The following RNF217 variants were observed in gnomAD, a reference collection of about 807,000 sequenced individuals.
RNF217 encodes ring finger protein 217, also known as E3 ubiquitin-protein ligase RNF217.
RNF217 carries 31 observed loss-of-function variants against 57.8 expected under a neutral mutation model. The observed-to-expected ratio is 0.54, with a 90% confidence interval of 0.40 to 0.72. The LOEUF is 0.72. Ranked by LOEUF, RNF217 falls within the 30% of genes least tolerant of loss-of-function variation. The pLI, the probability that RNF217 is intolerant of heterozygous loss-of-function variation, is 0.00. For missense variants in RNF217, 696 were observed against 708.3 expected, an observed-to-expected ratio of 0.98 and a Z score of 0.20; for synonymous variants, 313 against 294.0, an observed-to-expected ratio of 1.06 and a Z score of -0.66.
intron 1 of RNF217, among the ~76,000 whole-genome samples, chr6:125,024,099 T>C (rs1785966494): frequency 6.6e-6 from 1 of 152,074 alleles, no homozygotes; most frequent in Admixed American, 6.5e-5. Context: ...TAAATAAATA[T>C]GTGAGGTAAA....
At chr6:125,039,738 AACAG>A (rs1291450662) in intron 1 of RNF217, among the ~76,000 whole-genome samples, 4 of 152,336 alleles carry the variant, frequency 2.6e-5, no homozygotes, top group East Asian at 3.9e-4. Context: ...CTGAAATCAT[AACAG>A]ACAGTCTCTC....
chr6:125,027,606 G>T (rs1037745090), intron 1 of RNF217, among the ~76,000 whole-genome samples: 1 of 152,162 alleles, frequency 6.6e-6, no homozygotes. Context: ...AAACAGAGCT[G>T]CAACAAACAG....
chr6:124,982,199 C>T (rs1424345696), intron 1 of RNF217, among the ~76,000 whole-genome samples: 1 of 152,008 alleles, frequency 6.6e-6, no homozygotes, highest in African/African-American at 2.4e-5. Context: ...TTTCCCTTGG[C>T]TTAGTGATTT....
chr6:125,054,798 C>A (rs1313903233), intron 2 of RNF217, among the ~76,000 whole-genome samples: 2 of 152,142 alleles, frequency 1.3e-5, no homozygotes, highest in African/African-American at 4.8e-5. Flanking sequence ...ACTTTTGGCT[C>A]TGAGGTCTAA....
At chr6:124,995,970 GT>G (rs1032295643) in intron 1 of RNF217, among the ~76,000 whole-genome samples, 74 of 149,388 alleles carry the variant, frequency 5.0e-4, no homozygotes, top group African/African-American at 1.6e-3. Flanking sequence ...ATATTTCTGG[GT>G]TTTTTTTTTC....
chr6:125,080,326 T>C lies in RNF217; in HGVS notation c.1484-1110T>C, dbSNP rs542579133. Among the ~76,000 whole-genome samples, 30 of 152,256 alleles carry C rather than the reference T, an allele frequency of 2.0e-4. 1 individual carries two copies. In the South Asian group the frequency reaches 6.0e-3, roughly 30 times the overall value. ...AATGGAGATCTTTTTAAATTAGATA[T>C]TTAAAACAGTGTTGTATACATGTCT... On this transcript the variant is annotated intron_variant, in intron 4 of 5. Coordinates refer to ENST00000521654, the MANE Select transcript of RNF217 (RefSeq NM_001286398.3).
rs887148722 is a variant in RNF217, at chr6:124,980,096, T to G, written c.882+16670T>G. Among the ~76,000 whole-genome samples the G allele has an allele frequency of 3.9e-5, 6 of 152,320 alleles. No homozygotes were observed. In the East Asian group the frequency reaches 9.7e-4, roughly 25 times the overall value. On this transcript the variant is annotated intron_variant, in intron 1 of 5. Transcript: ENST00000521654. ...GATTAGCCTCTGTTCAACTTGATTC[T>G]CTCATATTTTACCCATCTCGAAGGG...
chr6:124,993,730 T>G (rs1308995297), intron 1 of RNF217, among the ~76,000 whole-genome samples: 1 of 151,036 alleles, frequency 6.6e-6, no homozygotes, highest in Non-Finnish European at 1.5e-5. Context: ...TCAGGGAGAG[T>G]TTTGTAAGGA....
At chr6:124,987,406 C>T (rs562003944) in intron 1 of RNF217, among the ~76,000 whole-genome samples, 7 of 152,258 alleles carry the variant, frequency 4.6e-5, no homozygotes, top group Admixed American at 4.6e-4. Flanking sequence ...TATCCCCATC[C>T]TAAGAAACCA....
At chr6:125,049,580 G>A (rs902127677) in intron 2 of RNF217, among the ~76,000 whole-genome samples, 7 of 151,770 alleles carry the variant, frequency 4.6e-5, no homozygotes, top group Non-Finnish European at 7.4e-5. Flanking sequence ...TCGTTTCCAC[G>A]TCTTTAACTG....
chr6:124,992,740 T>C lies in RNF217; in HGVS notation c.882+29314T>C, dbSNP rs149053998. 4.5e-3 allele frequency among the ~76,000 whole-genome samples: 683 copies of C among 152,312 alleles called. 1 individual carries two copies. Among genetic ancestry groups the C allele is most frequent in the Non-Finnish European group, 7.6e-3 (515 of 68,008 alleles). Reference sequence around the variant, plus strand: ...TAATTCTTTAGCAGAACATTCTTTGTTGTAATGATTTTTTTTGTCAAATTC... The same window carrying C: ...TAATTCTTTAGCAGAACATTCTTTGCTGTAATGATTTTTTTTGTCAAATTC... On this transcript the variant is annotated intron_variant, in intron 1 of 5. Coordinates refer to ENST00000521654, the MANE Select transcript of RNF217 (RefSeq NM_001286398.3).
At chr6:125,006,917 C>A (rs537080572) in intron 1 of RNF217, among the ~76,000 whole-genome samples, 2 of 152,262 alleles carry the variant, frequency 1.3e-5, no homozygotes, top group South Asian at 4.2e-4. Context: ...CCATTGCGCT[C>A]TAGCCTGGGT....
intron 1 of RNF217, among the ~76,000 whole-genome samples, chr6:124,985,582 A>G (rs1172809196): frequency 6.6e-6 from 1 of 152,206 alleles, no homozygotes; most frequent in Admixed American, 6.5e-5. Context: ...TTAACATGAT[A>G]TATGTATTGA....
At chr6:124,970,085 G>A (rs1198440614) in intron 1 of RNF217, among the ~76,000 whole-genome samples, 3 of 152,202 alleles carry the variant, frequency 2.0e-5, no homozygotes, top group Non-Finnish European at 4.4e-5. Context: ...GAAGACAGCA[G>A]GAGGAGTGGG....
intron 1 of RNF217, among the ~76,000 whole-genome samples, chr6:125,032,436 T>C (rs916882220): frequency 2.6e-5 from 4 of 151,996 alleles, no homozygotes; most frequent in Non-Finnish European, 5.9e-5. Flanking sequence ...ATATCTACCA[T>C]AGTTAGGAAA....
At chr6:125,003,596 T>C (rs1785063652) in intron 1 of RNF217, among the ~76,000 whole-genome samples, 1 of 152,226 alleles carries the variant, frequency 6.6e-6, no homozygotes, top group Non-Finnish European at 1.5e-5. Flanking sequence ...GAGTAGATTT[T>C]AAATATTCAT....
intron 1 of RNF217, among the ~76,000 whole-genome samples, chr6:125,019,690 C>T (rs1425693115): frequency 1.3e-5 from 2 of 151,918 alleles, no homozygotes; most frequent in East Asian, 1.9e-4. Flanking sequence ...TTTTTTCCTT[C>T]TTACAGGCAC....
At chr6:125,023,882 T>C (rs780011096) in intron 1 of RNF217, among the ~76,000 whole-genome samples, 2 of 151,932 alleles carry the variant, frequency 1.3e-5, no homozygotes, top group Non-Finnish European at 2.9e-5. Flanking sequence ...GTCAAACTCA[T>C]AGAAGCAGAA....
chr6:124,963,121 C>A lies in RNF217; in HGVS notation c.577C>A (p.Pro193Thr). Residue 193 changes from proline (P) to threonine (T), a missense_variant, in exon 1 of 6, where the codon CCA (proline) becomes ACA (threonine). By Grantham distance (38) the Pro-to-Thr change is conservative. Transcript: ENST00000521654. ...SPPASPPGAP[P>T]VLNPPSTRSS... ...GCCCGCGTCGCCACCTGGGGCTCCGCCAGTGTTGAACCCTCCCAGCACCCG... is the reference window on the plus strand; with the variant it reads ...GCCCGCGTCGCCACCTGGGGCTCCGACAGTGTTGAACCCTCCCAGCACCCG... 6.5e-7 allele frequency: 1 copy of A among 1,535,986 alleles called. No individual in the cohort carries two copies. The highest frequency in any genetic ancestry group is 8.7e-7 in the Non-Finnish European group (1 of 1,147,088).
Sources: gnomAD v4.1 joint callset for allele counts (sites outside exome capture counted in the v4.1 genomes callset) on GRCh38, gnomAD v4.1.1 for gene constraint, MANE v1.5 for transcripts, NCBI Gene and HGNC (gene_info 2026-07-23, HGNC 2026-07-21) for gene names.